The following PDE4B variants were observed in gnomAD, a reference collection of about 807,000 sequenced individuals.
PDE4B encodes phosphodiesterase 4B.
Under a neutral mutation model 82.2 loss-of-function variants are expected in PDE4B, and 20 were observed. That is an observed-to-expected ratio of 0.24 (90% CI 0.17 to 0.35). The LOEUF is 0.35. Ranked by LOEUF, PDE4B falls within the 10% of genes least tolerant of loss-of-function variation. PDE4B has a pLI of 1.00. For synonymous variants in PDE4B, 320 were observed against 318.9 expected (o/e 1.00, Z -0.04); for missense variants, 655 against 907.2 (o/e 0.72, Z 3.57).
intron 1 of PDE4B, among the ~76,000 whole-genome samples, chr1:65,857,977 T>A (rs1646412422): frequency 6.6e-6 from 1 of 152,182 alleles, no homozygotes; most frequent in South Asian, 2.1e-4. Flanking sequence ...TACAGATGAC[T>A]AGCCTGGAGC....
chr1:65,856,794 CA>C (rs548769720), intron 1 of PDE4B, among the ~76,000 whole-genome samples: 41 of 152,278 alleles, frequency 2.7e-4, no homozygotes, highest in African/African-American at 9.6e-4. Context: ...ACATTCCAAC[CA>C]ACAGTCAATC....
intron 3 of PDE4B, among the ~76,000 whole-genome samples, chr1:66,169,390 G>A (rs921075585): frequency 5.9e-5 from 9 of 152,302 alleles, no homozygotes; most frequent in Admixed American, 2.0e-4. Flanking sequence ...AAATCTGAAA[G>A]TTGAATTCAT....
At position 65,908,786 on chromosome 1, in the gene PDE4B, T is replaced by C. The variant is rs542186285; in HGVS notation, c.-70-4459T>C. The stretch of plus-strand genomic sequence containing the variant: ...CTGCCCCGTTACAGGAAGGGCCTCA[T>C]CTCAACACCTTCCTTAGAGAAGGCG... On this transcript the variant is annotated intron_variant, in intron 1 of 16. Transcript: ENST00000341517. Among the ~76,000 whole-genome samples, 3 of 152,232 alleles carry C rather than the reference T, an allele frequency of 2.0e-5. No individual in the cohort carries two copies. In the East Asian group the frequency reaches 5.8e-4, roughly 29 times the overall value.
intron 3 of PDE4B, among the ~76,000 whole-genome samples, chr1:66,083,291 A>C (rs1015788182): frequency 6.6e-6 from 1 of 152,070 alleles, no homozygotes; most frequent in African/African-American, 2.4e-5. Context: ...ACCACCCACC[A>C]TCAGTCCCCA....
At chr1:66,085,081 A>G (rs1388812951) in intron 3 of PDE4B, among the ~76,000 whole-genome samples, 1 of 152,110 alleles carries the variant, frequency 6.6e-6, no homozygotes, top group Admixed American at 6.5e-5. Context: ...CTCTGTTCTC[A>G]TTGGCTCAGC....
chr1:66,267,409 C>A (rs891242024), intron 7 of PDE4B: 2 of 152,200 alleles, frequency 1.3e-5, no homozygotes, highest in Non-Finnish European at 2.9e-5. Context: ...ATTGGCCTAC[C>A]AGTGAGGCAA....
At chr1:66,313,923 A>G (rs1008136374) in intron 7 of PDE4B, among the ~76,000 whole-genome samples, 1 of 151,810 alleles carries the variant, frequency 6.6e-6, no homozygotes, top group Non-Finnish European at 1.5e-5. Context: ...GTCAAGACAA[A>G]CTCAATGTGG....
chr1:66,359,593 A>G (rs1227564231), intron 9 of PDE4B, among the ~76,000 whole-genome samples: 1 of 152,216 alleles, frequency 6.6e-6, no homozygotes, highest in Non-Finnish European at 1.5e-5. Context: ...GTTCAGCTCA[A>G]TTACTCACTG....
chr1:66,112,475 A>C (rs1645509664), intron 3 of PDE4B, among the ~76,000 whole-genome samples: 1 of 152,170 alleles, frequency 6.6e-6, no homozygotes, highest in South Asian at 2.1e-4. Context: ...ACAAATATAA[A>C]ATTTAAGTCA....
intron 1 of PDE4B, 80 bp downstream of exon 1, chr1:65,793,328 T>C (rs996820410): frequency 6.6e-6 from 1 of 151,910 alleles, no homozygotes; most frequent in Non-Finnish European, 1.5e-5. Context: ...CAATGGAGAG[T>C]GTAGGGTGCT....
intron 4 of PDE4B, among the ~76,000 whole-genome samples, chr1:66,256,924 G>T (rs1027535261): frequency 1.3e-5 from 2 of 152,166 alleles, no homozygotes; most frequent in African/African-American, 2.4e-5. Context: ...CTGAATGTGG[G>T]TTTAAGTAGA....
chr1:66,276,558 C>A (rs1476390681), intron 7 of PDE4B, among the ~76,000 whole-genome samples: 2 of 152,182 alleles, frequency 1.3e-5, no homozygotes, highest in African/African-American at 2.4e-5. Flanking sequence ...TCTTTAATTT[C>A]TTTCTCATCT....
intron 1 of PDE4B, among the ~76,000 whole-genome samples, chr1:65,911,524 T>A (rs1014998409): frequency 1.3e-5 from 2 of 152,168 alleles, no homozygotes; most frequent in Non-Finnish European, 2.9e-5. Flanking sequence ...TGAACTTTTT[T>A]TTTTTCAGGT....
At chr1:66,229,723 C>A (rs1224892365) in intron 3 of PDE4B, among the ~76,000 whole-genome samples, 1 of 152,112 alleles carries the variant, frequency 6.6e-6, no homozygotes, top group Non-Finnish European at 1.5e-5. Context: ...TTCCATTCTA[C>A]CACATTATCC....
chr1:66,104,291 G>C lies in PDE4B; in HGVS notation c.282-143169G>C, dbSNP rs534433374. On this transcript the variant is annotated intron_variant, in intron 3 of 16. Transcript: ENST00000341517. Reference sequence around the variant, plus strand: ...ACTCAACCTTTTTTATGGCTGCATAGTATTCCATGGTGTATATGTGCCACA... The same window carrying C: ...ACTCAACCTTTTTTATGGCTGCATACTATTCCATGGTGTATATGTGCCACA... Among the ~76,000 whole-genome samples the C allele has an allele frequency of 4.0e-5, 6 of 151,774 alleles. No individual in the cohort carries two copies. The South Asian group carries it at 1.3e-3, about 32-fold the overall frequency.
intron 1 of PDE4B, among the ~76,000 whole-genome samples, chr1:65,854,545 T>A (rs1176033715): frequency 6.6e-6 from 1 of 152,028 alleles, no homozygotes; most frequent in Non-Finnish European, 1.5e-5. Context: ...TCTTCATCAT[T>A]TTAAAGTCAT....
intron 3 of PDE4B, among the ~76,000 whole-genome samples, chr1:66,166,344 T>G (rs1364479064): frequency 6.6e-6 from 1 of 152,220 alleles, no homozygotes; most frequent in African/African-American, 2.4e-5. Context: ...AATGGTTTCT[T>G]AGCTATGACA....
chr1:66,001,058 G>C (rs1651839107), intron 3 of PDE4B, among the ~76,000 whole-genome samples: 2 of 152,118 alleles, frequency 1.3e-5, no homozygotes, highest in South Asian at 4.1e-4. Flanking sequence ...TGAGTAGAGG[G>C]AGAAAAGAAA....
chr1:65,869,859 A>C (rs1323306105), intron 1 of PDE4B, among the ~76,000 whole-genome samples: 1 of 146,238 alleles, frequency 6.8e-6, no homozygotes, highest in East Asian at 2.0e-4. Flanking sequence ...ATTTCAGTTT[A>C]TTTTGGTTTG....
Sources: allele counts gnomAD v4.1 joint callset (sites outside exome capture counted in the v4.1 genomes callset), GRCh38; gene constraint gnomAD v4.1.1; transcripts MANE v1.5; gene names NCBI Gene and HGNC (gene_info 2026-07-23, HGNC 2026-07-21).